OSBPL1A: variants seen among roughly 807,000 people sequenced by gnomAD.
OSBPL1A encodes the protein oxysterol-binding protein-related protein 1.
A neutral mutation model predicts 137.1 loss-of-function variants in OSBPL1A; 80 were observed. The observed-to-expected ratio is 0.58, with a 90% confidence interval of 0.49 to 0.70. The LOEUF (loss-of-function observed/expected upper bound fraction) is 0.70, where lower values mean the gene tolerates loss of function less well. Among genes scored for constraint, OSBPL1A ranks in the 30% least tolerant of loss-of-function variants. OSBPL1A has a pLI of 0.00. For synonymous variants in OSBPL1A, 365 were observed against 389.7 expected (o/e 0.94, Z 0.75); for missense variants, 970 against 1,129.4 (o/e 0.86, Z 2.02).
chr18:24,313,192 C>A (rs1314586621), intron 12 of OSBPL1A, among the ~76,000 whole-genome samples: 1 of 151,760 alleles, frequency 6.6e-6, no homozygotes, highest in Admixed American at 6.6e-5. Context: ...CCTGTAATCC[C>A]AACACTTTGG....
intron 15 of OSBPL1A, among the ~76,000 whole-genome samples, chr18:24,267,766 G>C (rs1048149948): frequency 6.6e-6 from 1 of 150,920 alleles, no homozygotes; most frequent in Non-Finnish European, 1.5e-5. Context: ...ATATATGAAA[G>C]GAAACTCTTT....
chr18:24,332,138 G>A (rs942364191), intron 7 of OSBPL1A, among the ~76,000 whole-genome samples: 1 of 151,990 alleles, frequency 6.6e-6, no homozygotes, highest in Non-Finnish European at 1.5e-5. Context: ...CACTTTGGGA[G>A]GCTGAGGTGG....
At chr18:24,294,696 T>A (rs1390077402) in intron 14 of OSBPL1A, among the ~76,000 whole-genome samples, 1 of 152,216 alleles carries the variant, frequency 6.6e-6, no homozygotes, top group Admixed American at 6.5e-5. Flanking sequence ...TTCCATTCAC[T>A]TAGAATAATG....
chr18:24,385,497 A>T (rs1906903333), intron 1 of OSBPL1A, among the ~76,000 whole-genome samples: 1 of 152,216 alleles, frequency 6.6e-6, no homozygotes, highest in Non-Finnish European at 1.5e-5. Context: ...GAGAAAAGCA[A>T]CATTTATTTA....
chr18:24,392,237 C>T (rs1435966109), intron 1 of OSBPL1A, among the ~76,000 whole-genome samples: 2 of 151,890 alleles, frequency 1.3e-5, no homozygotes, highest in African/African-American at 2.4e-5. Flanking sequence ...CTCGGTTCAC[C>T]GCAACCTCCG....
chr18:24,197,160 C>T (rs961866272), intron 17 of OSBPL1A, among the ~76,000 whole-genome samples: 50 of 152,130 alleles, frequency 3.3e-4, no homozygotes, highest in African/African-American at 1.2e-3. Flanking sequence ...CCAGCCTGGG[C>T]AACATAGTGA....
At chr18:24,216,703 A>G (rs1445682606) in intron 17 of OSBPL1A, among the ~76,000 whole-genome samples, 2 of 152,200 alleles carry the variant, frequency 1.3e-5, no homozygotes, top group African/African-American at 4.8e-5. Flanking sequence ...TATAAATTAA[A>G]AAGAAGGACA....
At chr18:24,210,492 G>A (rs1047119889) in intron 17 of OSBPL1A, among the ~76,000 whole-genome samples, 1 of 151,120 alleles carries the variant, frequency 6.6e-6, no homozygotes, top group Non-Finnish European at 1.5e-5. Flanking sequence ...CCCCAAAAGA[G>A]TTAGTTTTTC....
chr18:24,373,942 T>C (rs1905878656), intron 2 of OSBPL1A, among the ~76,000 whole-genome samples: 4 of 152,106 alleles, frequency 2.6e-5, no homozygotes, highest in South Asian at 2.1e-4. Context: ...GAAAAAAATA[T>C]TAACATATTT....
rs1438147260 is a variant in OSBPL1A at position 24,382,402 on chromosome 18, G to A, written c.-2-4867C>T. On this transcript the variant is annotated intron_variant, in intron 1 of 27. Coordinates refer to ENST00000319481, the MANE Select transcript of OSBPL1A (RefSeq NM_080597.4). ...AGCCTGGGCAACAGAGTGAGACTCC[G>A]TCTCAAAAAAAAAAAAAAAAAAAAA... Among the ~76,000 whole-genome samples the A allele has an allele frequency of 1.2e-4, 13 of 105,566 alleles. No homozygotes were observed. The East Asian group carries it at 1.4e-3, about 11-fold the overall frequency. 69.3% of individuals were successfully genotyped at this position (105,566 alleles called of 152,430 possible).
At chr18:24,379,612 TAAAG>T (rs1170017306) in intron 1 of OSBPL1A, among the ~76,000 whole-genome samples, 1 of 148,012 alleles carries the variant, frequency 6.8e-6, no homozygotes, top group Non-Finnish European at 1.5e-5. Context: ...ACAGAGAAAA[TAAAG>T]AATTTATTTG....
chr18:24,389,784 A>G (rs752490842), intron 1 of OSBPL1A, among the ~76,000 whole-genome samples: 1 of 152,044 alleles, frequency 6.6e-6, no homozygotes, highest in Non-Finnish European at 1.5e-5. Flanking sequence ...TTACTAAAAA[A>G]TACAAAACTT....
chr18:24,224,015 A>C (rs1055703215), intron 17 of OSBPL1A, among the ~76,000 whole-genome samples: 2 of 152,174 alleles, frequency 1.3e-5, no homozygotes, highest in South Asian at 2.1e-4. Flanking sequence ...CGGGAAAGAC[A>C]CTCACTGCTG....
At chr18:24,334,224 G>T in intron 6 of OSBPL1A, 21 bp downstream of exon 6, 1 of 1,582,190 alleles carries the variant, frequency 6.3e-7, no homozygotes. Flanking sequence ...TTGTCTTTTG[G>T]GGGTTTTTTG....
chr18:24,319,549 A>G (rs953756248), intron 7 of OSBPL1A, among the ~76,000 whole-genome samples: 1 of 152,240 alleles, frequency 6.6e-6, no homozygotes, highest in Non-Finnish European at 1.5e-5. Flanking sequence ...CAAGCTATCA[A>G]TGTTAATTTT....
intron 14 of OSBPL1A, among the ~76,000 whole-genome samples, chr18:24,288,191 G>C (rs2090104006): frequency 6.6e-6 from 1 of 152,146 alleles, no homozygotes; most frequent in Non-Finnish European, 1.5e-5. Flanking sequence ...TAAAAGATGA[G>C]AAAAAGCGAT....
chr18:24,240,405 A>G (rs1308318648), intron 15 of OSBPL1A, among the ~76,000 whole-genome samples: 1 of 152,228 alleles, frequency 6.6e-6, no homozygotes, highest in Admixed American at 6.5e-5. Flanking sequence ...TGGTTGACCA[A>G]AACCCTCTAC....
chr18:24,188,962 A>G (rs1169117220), intron 18 of OSBPL1A, among the ~76,000 whole-genome samples: 1 of 152,232 alleles, frequency 6.6e-6, no homozygotes, highest in Admixed American at 6.5e-5. Context: ...TAACAAGAAA[A>G]ACAACAATTC....
intron 3 of OSBPL1A, 142 bp from the exon 4 acceptor site, chr18:24,367,108 C>A: frequency 1.5e-6 from 1 of 684,172 alleles, no homozygotes; most frequent in Non-Finnish European, 2.2e-6. Context: ...TTTAAAGTAA[C>A]AATAAAAAGC....
Sources: allele counts gnomAD v4.1 joint callset (sites outside exome capture counted in the v4.1 genomes callset), GRCh38; gene constraint gnomAD v4.1.1; transcripts MANE v1.5; gene names NCBI Gene and HGNC (gene_info 2026-07-23, HGNC 2026-07-21).